Variants in DIDO1 observed in about 807,000 individuals in gnomAD.
The protein encoded by DIDO1 is death-inducer obliterator 1.
In DIDO1, 16 loss-of-function variants were observed where a neutral mutation model predicts 99.4. That is an observed-to-expected ratio of 0.16 (90% CI 0.11 to 0.24). The LOEUF (loss-of-function observed/expected upper bound fraction) is 0.24. Ranked by LOEUF, DIDO1 falls within the 10% of genes least tolerant of loss-of-function variation. The pLI, the probability that DIDO1 is intolerant of heterozygous loss-of-function variation, is 1.00. For missense variants in DIDO1, 2,996 were observed against 3,014.0 expected (o/e 0.99, Z 0.14); for synonymous variants, 1,366 against 1,239.1 (o/e 1.10, Z -2.15).
intron 1 of DIDO1, among the ~76,000 whole-genome samples, chr20:62,918,572 G>A (rs2065079722): frequency 1.3e-5 from 2 of 152,168 alleles, no homozygotes; most frequent in Admixed American, 6.5e-5. Context: ...AAAGAGCTCT[G>A]ACTTCTAAGC....
At chr20:62,883,577 A>G (rs140090793) in intron 15 of DIDO1, among the ~76,000 whole-genome samples, 11,840 of 152,204 alleles carry the variant, frequency 0.078, 498 homozygotes, top group African/African-American at 0.11. Context: ...CTGTAATCCC[A>G]GCACTTTGGG....
At position 62,881,106 on chromosome 20, in the gene DIDO1, G is replaced by C. The variant is rs1259006432; in HGVS notation, c.4850C>G (p.Ser1617Cys). The C allele has an allele frequency of 1.9e-6, 3 of 1,609,400 alleles. No homozygotes were observed. Among genetic ancestry groups the C allele is most frequent in the Non-Finnish European group, 2.5e-6 (3 of 1,179,524 alleles). Residue 1617 changes from serine to cysteine, a missense_variant, in exon 16 of 16, where the codon TCC becomes TGC. By Grantham distance (112) the Ser-to-Cys change is moderately radical. Coordinates refer to ENST00000395343, the MANE Select transcript of DIDO1 (RefSeq NM_001193369.2). The surrounding 1 kb of genome is among the most constrained non-coding windows in gnomAD (Gnocchi z 8.3). ...PVPEEKEPAS[S>C]PWASGEKPPA... is the part of the protein sequence containing the mutation. ...GGGCTTTTCGCCCGAAGCCCAGGGGGAAGAGGCTGGCTCTTTTTCCTCCGG... is the reference window on the plus strand; with the variant it reads ...GGGCTTTTCGCCCGAAGCCCAGGGGCAAGAGGCTGGCTCTTTTTCCTCCGG...
At chr20:62,929,692 A>AAAAAAAAAAAATATATATATAT, upstream of DIDO1, among the ~76,000 whole-genome samples, 2 of 63,710 alleles carry the variant, frequency 3.1e-5, no homozygotes, top group African/African-American at 1.5e-4. Flanking sequence ...AAAAAGAAAA[A>AAAAAAAAAAAATATATATATAT]GTGTATATAT....
At chr20:62,887,198 A>T in intron 15 of DIDO1, 1 of 985,498 alleles carries the variant, frequency 1.0e-6, no homozygotes, top group Non-Finnish European at 1.2e-6. Context: ...TTCCAATTCA[A>T]ACAAACAAGG....
At position 62,888,608 on chromosome 20, in the gene DIDO1, G is replaced by A. The variant is rs1427278785; in HGVS notation, c.3541+2352C>T. On this transcript the variant is annotated intron_variant, in intron 15 of 15. Coordinates refer to ENST00000395343, the MANE Select transcript of DIDO1 (RefSeq NM_001193369.2). ...AAGGGCTTCTGGGCTATCTCCGTGA[G>A]GACAGGGTCCGCTGAGACAGGGGAA... The A allele has an allele frequency of 9.1e-6, 9 of 985,474 alleles. No homozygotes were observed. In the South Asian group the frequency reaches 3.8e-4, roughly 41 times the overall value. 61.0% of individuals were successfully genotyped at this position (985,474 alleles called of 1,614,324 possible). A position where few individuals can be genotyped will look rare whatever the true frequency, so the allele number is the denominator to read the frequency against.
intron 6 of DIDO1, among the ~76,000 whole-genome samples, chr20:62,904,807 A>AAAAT (rs1568859998): frequency 1.4e-5 from 2 of 141,706 alleles, no homozygotes; most frequent in African/African-American, 2.7e-5. Flanking sequence ...AAAAAAAAAA[A>AAAAT]GTGTCTTTTT....
intron 1 of DIDO1, among the ~76,000 whole-genome samples, chr20:62,935,183 G>T (rs2065369666): frequency 6.6e-6 from 1 of 152,098 alleles, no homozygotes; most frequent in South Asian, 2.1e-4. Flanking sequence ...GCATCACTCT[G>T]GTCTTCCTTC....
In DIDO1 at chr20:62,893,749, C is replaced by T. The variant is rs781408102; in HGVS notation, c.3018G>A (p.Val1006=). ...QDVPKPVLTS[V]MVPKSILAKP... ...TAGCTAGTATGGACTTGGGCACCAT[C>T]ACAGAAGTCAAGACAGGCTTCGGCA... is the stretch of plus-strand genomic sequence containing the variant. Residue 1006 remains valine, a synonymous_variant, in exon 12 of 16, where the codon GTG becomes GTA. Coordinates refer to ENST00000395343, the MANE Select transcript of DIDO1 (RefSeq NM_001193369.2). 6.2e-7 allele frequency: 1 copy of T among 1,614,216 alleles called. No individual in the cohort carries two copies. Among genetic ancestry groups the T allele is most frequent in the Non-Finnish European group, 8.5e-7 (1 of 1,180,046 alleles).
chr20:62,891,211 G>A lies in DIDO1; in HGVS notation c.3346-56C>T, dbSNP rs560580697. 223 of 1,607,214 alleles carry A rather than the reference G, an allele frequency of 1.4e-4. No individual in the cohort carries two copies. In the East Asian group the frequency reaches 4.5e-3, roughly 33 times the overall value. ...AGAAAATGTGGCTCAAGCATCACAC[G>A]CCCAATTCACATCCTGCTTTCAACA... On this transcript the variant is annotated intron_variant, in intron 14 of 15. Transcript: ENST00000395343.
chr20:62,911,145 G>C lies in DIDO1; in HGVS notation c.468C>G (p.Ser156Arg), dbSNP rs765566169. ...DDHDDTSDSD[S>R]DGLTLKELQN... ...GAAGCTCTTTCAAGGTCAGGCCATCGCTGTCACTATCGGAGGTGTCATCGT... is the reference window on the plus strand; with the variant it reads ...GAAGCTCTTTCAAGGTCAGGCCATCCCTGTCACTATCGGAGGTGTCATCGT... The change falls in exon 3 of 16, where the codon AGC (serine) becomes AGG (arginine). Residue 156 changes from serine (S) to arginine (R), a missense_variant. Ser to Arg is a moderately radical substitution (Grantham distance 110, BLOSUM62 -1). Transcript: ENST00000395343. This position sits in a 1 kb window ranked among gnomAD's most constrained non-coding sequence, Gnocchi z 7.0. The C allele has an allele frequency of 1.2e-6, 2 of 1,614,060 alleles. No individual in the cohort carries two copies. Among genetic ancestry groups the C allele is most frequent in the Admixed American group, 1.7e-5 (1 of 60,028 alleles).
At chr20:62,916,644 A>T (rs1031487320) in intron 1 of DIDO1, among the ~76,000 whole-genome samples, 1 of 152,190 alleles carries the variant, frequency 6.6e-6, no homozygotes, top group African/African-American at 2.4e-5. Flanking sequence ...TTTCTGGCAT[A>T]ACCGAAGACA....
chr20:62,918,538 T>A (rs751725427), intron 1 of DIDO1, among the ~76,000 whole-genome samples: 3 of 152,216 alleles, frequency 2.0e-5, no homozygotes, highest in Non-Finnish European at 4.4e-5. Flanking sequence ...AAGTTTCTAT[T>A]TTCATAACAT....
Position 62,893,806 on chromosome 20 carries a change from G to C in DIDO1, c.2961C>G (p.Asp987Glu), listed in dbSNP as rs1458104842. The C allele has an allele frequency of 6.2e-7, 1 of 1,614,162 alleles. No individual in the cohort carries two copies. Among genetic ancestry groups the C allele is most frequent in the Non-Finnish European group, 8.5e-7 (1 of 1,180,046 alleles). The change falls in exon 12 of 16, where the codon GAC becomes GAG. Residue 987 changes from aspartate (D) to glutamate (E), a missense_variant. Transcript: ENST00000395343. ...GTCTGGCTTCCACCATGTGGGTGCT[G>C]TCTGGGCGGGATGCTGCGGAGGCCA... is the stretch of plus-strand genomic sequence containing the variant. ...TAVASAASRP[D>E]STHMVEARQD...
At chr20:62,928,056 C>G (rs949194450), upstream of DIDO1, among the ~76,000 whole-genome samples, 2 of 152,164 alleles carry the variant, frequency 1.3e-5, no homozygotes, top group African/African-American at 4.8e-5. Context: ...TGAGGCCTCC[C>G]TACAAGAGGC....
chr20:62,894,056 G>A lies in DIDO1; in HGVS notation c.2711C>T (p.Pro904Leu), dbSNP rs144963255. ...PAPDSADEVM[P>L]EAVPEVASEP... ...AGAGGCAACTTCAGGCACAGCCTCC[G>A]GCATCACCTCATCAGCTGAATCCGG... The change falls in exon 12 of 16, where the codon CCG becomes CTG. Residue 904 changes from proline (P) to leucine (L), a missense_variant. Pro to Leu is a moderately conservative substitution (Grantham distance 98). Coordinates refer to ENST00000395343, the MANE Select transcript of DIDO1 (RefSeq NM_001193369.2). This position sits in a 1 kb window ranked among gnomAD's most constrained non-coding sequence, Gnocchi z 4.4. 31 of 1,614,082 alleles carry A rather than the reference G, an allele frequency of 1.9e-5. No individual in the cohort carries two copies. Among genetic ancestry groups the A allele is most frequent in the Middle Eastern group, 1.6e-4 (1 of 6,084 alleles).
chr20:62,907,433 T>C, intron 4 of DIDO1, 74 bp from the exon 5 acceptor site: 3 of 1,434,670 alleles, frequency 2.1e-6, no homozygotes, highest in Non-Finnish European at 2.9e-6. Flanking sequence ...TTTTGTAAAA[T>C]CACCATTTAT....
At chr20:62,923,036 C>G (rs181566583) in intron 1 of DIDO1, among the ~76,000 whole-genome samples, 3 of 152,296 alleles carry the variant, frequency 2.0e-5, no homozygotes, top group Non-Finnish European at 4.4e-5. Flanking sequence ...GAGTCTTGCT[C>G]TGTCACCCAG....
intron 1 of DIDO1, among the ~76,000 whole-genome samples, chr20:62,923,643 C>T (rs1386934616): frequency 6.6e-6 from 1 of 152,302 alleles, no homozygotes; most frequent in East Asian, 1.9e-4. Context: ...GGACAGCACC[C>T]TTTCTAGTGT....
At chr20:62,922,105 T>C (rs1455229531) in intron 1 of DIDO1, among the ~76,000 whole-genome samples, 11 of 67,822 alleles carry the variant, frequency 1.6e-4, no homozygotes, top group African/African-American at 5.1e-4. Flanking sequence ...ACACACTATA[T>C]ATATACACAC....
Sources: gnomAD v4.1 joint callset for allele counts (sites outside exome capture counted in the v4.1 genomes callset) on GRCh38, gnomAD v4.1.1 for gene constraint, Gnocchi (gnomAD v3.1) non-coding constraint, MANE v1.5 for transcripts, NCBI Gene and HGNC (gene_info 2026-07-23, HGNC 2026-07-21) for gene names.